SOX6: variants seen among roughly 807,000 people sequenced by gnomAD.
SOX6 encodes transcription factor SOX-6.
SOX6 carries 11 observed loss-of-function variants against 97.8 expected under a neutral mutation model. That is an observed-to-expected ratio of 0.11 (90% CI 0.07 to 0.19). The LOEUF (loss-of-function observed/expected upper bound fraction) is 0.19. Ranked by LOEUF, SOX6 falls within the 10% of genes least tolerant of loss-of-function variation. The pLI is 1.00. For synonymous variants in SOX6, 360 were observed against 371.4 expected (o/e 0.97, Z 0.35); for missense variants, 810 against 1,039.5 (o/e 0.78, Z 3.04).
At chr11:16,579,468 C>T (rs918073449) in intron 4 of SOX6, among the ~76,000 whole-genome samples, 5 of 151,994 alleles carry the variant, frequency 3.3e-5, no homozygotes, top group Non-Finnish European at 5.9e-5. Context: ...AAGATAACCA[C>T]TATTCTGACT....
intron 3 of SOX6, among the ~76,000 whole-genome samples, chr11:16,670,541 T>G (rs1419809114): frequency 2.0e-5 from 3 of 152,112 alleles, no homozygotes; most frequent in Admixed American, 6.5e-5. Context: ...AAGTGCTTTA[T>G]TCACACCTCC....
chr11:16,412,134 A>T (rs1420050248), intron 1 of SOX6, among the ~76,000 whole-genome samples: 6 of 152,240 alleles, frequency 3.9e-5, no homozygotes, highest in Admixed American at 3.3e-4. Flanking sequence ...TATTTTCAAA[A>T]TAATATAAAC....
intron 3 of SOX6, among the ~76,000 whole-genome samples, chr11:16,666,449 T>A (rs1847807421): frequency 6.6e-6 from 1 of 152,150 alleles, no homozygotes; most frequent in Non-Finnish European, 1.5e-5. Flanking sequence ...CATCAGAGTC[T>A]CTTAACAGCA....
chr11:16,110,428 AAT>A (rs1035126690), intron 7 of SOX6: 2 of 152,168 alleles, frequency 1.3e-5, no homozygotes, highest in Non-Finnish European at 2.9e-5. Context: ...TCTCTGAAAA[AAT>A]ATACTCCTGT....
chr11:16,464,075 A>G (rs1481236192), intron 1 of SOX6, among the ~76,000 whole-genome samples: 1 of 152,214 alleles, frequency 6.6e-6, no homozygotes, highest in Non-Finnish European at 1.5e-5. Context: ...TTTCTAAAAA[A>G]TTTAAAATTC....
Position 15,979,042 on chromosome 11 carries a change from CATATATAT to C in SOX6, c.2184-5938_2184-5931del, listed in dbSNP as rs57062569. Among the ~76,000 whole-genome samples the C allele has an allele frequency of 4.1e-3, 442 of 107,104 alleles. 9 individuals carry two copies. The highest frequency in any genetic ancestry group is 0.015 in the African/African-American group (423 of 27,456). 70.3% of individuals were successfully genotyped at this position (107,104 alleles called of 152,430 possible). A position where few individuals can be genotyped will look rare whatever the true frequency, so the allele number is the denominator to read the frequency against. On this transcript the variant is annotated intron_variant, in intron 15 of 15. Coordinates refer to ENST00000683767, the MANE Select transcript of SOX6 (RefSeq NM_001367873.1). ...AACTGCTTATTTTATATATATTTTA[CATATATAT>C]ATATATATATATATAAAACTGCTTA...
Position 16,653,912 on chromosome 11 carries a change from A to C in SOX6, n.430-41652T>G, listed in dbSNP as rs561575877. The stretch of plus-strand genomic sequence containing the variant: ...TAATATAATATTTATGTAATATTAC[A>C]TAAAATATTTATATAAAAACACAAA... On this transcript the variant is annotated intron_variant and non_coding_transcript_variant, in intron 3 of 5. Transcript: ENST00000524520. Among the ~76,000 whole-genome samples the C allele has an allele frequency of 1.6e-3, 236 of 151,866 alleles. 7 individuals are homozygous for C. The South Asian group carries it at 0.048, about 31-fold the overall frequency.
At chr11:16,539,616 C>T (rs879011744) in intron 4 of SOX6, among the ~76,000 whole-genome samples, 1 of 151,920 alleles carries the variant, frequency 6.6e-6, no homozygotes, top group African/African-American at 2.4e-5. Flanking sequence ...CAAATAGATG[C>T]AATAAAAAAT....
intron 10 of SOX6, among the ~76,000 whole-genome samples, chr11:16,051,580 T>C (rs1847687919): frequency 2.0e-5 from 3 of 152,150 alleles, no homozygotes; most frequent in African/African-American, 4.8e-5. Context: ...AATTATCTTA[T>C]GTAGTTAATT....
intron 6 of SOX6, among the ~76,000 whole-genome samples, chr11:16,122,811 G>A (rs1418233676): frequency 6.6e-6 from 1 of 152,044 alleles, no homozygotes; most frequent in Non-Finnish European, 1.5e-5. Flanking sequence ...TCAAGAACTT[G>A]TATTCTATGT....
chr11:16,000,959 C>T (rs925491490), intron 13 of SOX6, among the ~76,000 whole-genome samples: 4 of 151,954 alleles, frequency 2.6e-5, no homozygotes, highest in East Asian at 1.9e-4. Flanking sequence ...TGGATTCAAG[C>T]GATTCTCCTG....
At chr11:16,429,643 A>T (rs1859228668) in intron 1 of SOX6, among the ~76,000 whole-genome samples, 1 of 152,140 alleles carries the variant, frequency 6.6e-6, no homozygotes, top group Non-Finnish European at 1.5e-5. Flanking sequence ...ACATGGACAC[A>T]TAGAGGGGAA....
At chr11:16,282,027 A>T (rs1314215826) in intron 3 of SOX6, among the ~76,000 whole-genome samples, 2 of 149,376 alleles carry the variant, frequency 1.3e-5, no homozygotes, top group African/African-American at 4.9e-5. Flanking sequence ...CCTTTTACTA[A>T]AAAGGACAAT....
intron 4 of SOX6, among the ~76,000 whole-genome samples, chr11:16,203,259 T>C (rs1052233570): frequency 6.6e-6 from 1 of 152,096 alleles, no homozygotes; most frequent in Non-Finnish European, 1.5e-5. Flanking sequence ...TTATAAAAAT[T>C]TAGCTTTCTG....
chr11:16,383,615 T>TA (rs1219968665), intron 1 of SOX6, among the ~76,000 whole-genome samples: 1 of 151,974 alleles, frequency 6.6e-6, no homozygotes, highest in Non-Finnish European at 1.5e-5. Flanking sequence ...TAGCATATAC[T>TA]AAGTGCTCAA....
At chr11:16,221,724 C>T (rs1359420723) in intron 4 of SOX6, among the ~76,000 whole-genome samples, 2 of 152,010 alleles carry the variant, frequency 1.3e-5, no homozygotes, top group Non-Finnish European at 2.9e-5. Flanking sequence ...ATGACAGTTT[C>T]CAAATACTTT....
chr11:16,030,315 G>A (rs1274727928), intron 12 of SOX6, among the ~76,000 whole-genome samples: 2 of 152,206 alleles, frequency 1.3e-5, no homozygotes, highest in East Asian at 3.9e-4. Context: ...ACTCACACTT[G>A]TACTTTCAAT....
At chr11:16,286,058 T>G (rs960701913) in intron 3 of SOX6, among the ~76,000 whole-genome samples, 9 of 152,136 alleles carry the variant, frequency 5.9e-5, no homozygotes, top group African/African-American at 2.2e-4. Context: ...AAACTGAGCT[T>G]CTTGAAATAA....
At chr11:16,122,142 A>G (rs1452609295) in intron 6 of SOX6, among the ~76,000 whole-genome samples, 2 of 152,042 alleles carry the variant, frequency 1.3e-5, no homozygotes, top group African/African-American at 4.8e-5. Flanking sequence ...AACTTCTGGA[A>G]AAGTCAAGAG....
Sources: allele counts gnomAD v4.1 joint callset (sites outside exome capture counted in the v4.1 genomes callset), GRCh38; gene constraint gnomAD v4.1.1; transcripts MANE v1.5; gene names NCBI Gene and HGNC (gene_info 2026-07-23, HGNC 2026-07-21).